Variants in NEGR1 observed in about 807,000 individuals in gnomAD.
NEGR1 encodes the protein neuronal growth regulator 1.
NEGR1 carries 10 observed loss-of-function variants against 40.9 expected under a neutral mutation model. The ratio of observed to expected loss-of-function variants is 0.24; its 90% confidence interval spans 0.15 to 0.42. The LOEUF (loss-of-function observed/expected upper bound fraction) is 0.42, where lower values mean the gene tolerates loss of function less well. Among genes scored for constraint, NEGR1 ranks in the 10% least tolerant of loss-of-function variants. The pLI is 1.00. For missense variants in NEGR1, 352 were observed against 438.9 expected, an observed-to-expected ratio of 0.80 and a Z score of 1.77; for synonymous variants, 185 against 166.8, an observed-to-expected ratio of 1.11 and a Z score of -0.84.
intron 4 of NEGR1, among the ~76,000 whole-genome samples, chr1:71,685,187 C>A (rs1652988883): frequency 1.3e-5 from 2 of 151,984 alleles, no homozygotes; most frequent in Admixed American, 6.6e-5. Context: ...TCATGGATTT[C>A]TCTTCCCATT....
At chr1:71,639,904 C>A (rs1651289945) in intron 4 of NEGR1, among the ~76,000 whole-genome samples, 1 of 152,054 alleles carries the variant, frequency 6.6e-6, no homozygotes, top group African/African-American at 2.4e-5. Flanking sequence ...CTTCTTAACA[C>A]ACACTTCCTC....
At chr1:71,699,456 T>C (rs1339903218) in intron 3 of NEGR1, among the ~76,000 whole-genome samples, 1 of 151,896 alleles carries the variant, frequency 6.6e-6, no homozygotes, top group Non-Finnish European at 1.5e-5. Flanking sequence ...ATGTAAAACT[T>C]CTGAAGTGGT....
intron 1 of NEGR1, among the ~76,000 whole-genome samples, chr1:72,062,179 A>G (rs1250210336): frequency 6.6e-6 from 1 of 151,634 alleles, no homozygotes; most frequent in African/African-American, 2.4e-5. Context: ...GAAGTATGAA[A>G]TTTCCTTCCT....
At chr1:71,964,129 C>T (rs1646190952) in intron 1 of NEGR1, among the ~76,000 whole-genome samples, 1 of 152,150 alleles carries the variant, frequency 6.6e-6, no homozygotes. Context: ...TCCCAGTTCT[C>T]TTTGACCTCA....
intron 3 of NEGR1, among the ~76,000 whole-genome samples, chr1:71,739,224 A>AC (rs1290197503): frequency 2.6e-5 from 4 of 151,186 alleles, no homozygotes; most frequent in Admixed American, 6.6e-5. Context: ...AAAACAAAAA[A>AC]AAAAAACGTG....
At chr1:72,041,601 T>C (rs1646954775) in intron 1 of NEGR1, among the ~76,000 whole-genome samples, 1 of 150,800 alleles carries the variant, frequency 6.6e-6, no homozygotes, top group Admixed American at 6.6e-5. Context: ...AAGAGAACAG[T>C]CAAATATGGT....
chr1:72,266,113 G>C (rs1376209121), intron 1 of NEGR1, among the ~76,000 whole-genome samples: 2 of 150,576 alleles, frequency 1.3e-5, no homozygotes, highest in Admixed American at 1.3e-4. Context: ...CATTTTCTGG[G>C]AGTATGGCAG....
In NEGR1 at chr1:71,846,406, C is replaced by T. The variant is rs550024334; in HGVS notation, c.410-70109G>A. ...ACCCACACACACACACACACACAAA[C>T]ACACACACAAACACACACACATGCA... On this transcript the variant is annotated intron_variant, in intron 2 of 6. Coordinates refer to ENST00000357731, the MANE Select transcript of NEGR1 (RefSeq NM_173808.3). 2.3e-3 allele frequency among the ~76,000 whole-genome samples: 270 copies of T among 117,528 alleles called. 1 individual carries two copies. Among genetic ancestry groups the T allele is most frequent in the Non-Finnish European group, 3.5e-3 (219 of 62,574 alleles). The allele number at this position is 117,528 out of a possible 152,430, so 77.1% of individuals were successfully genotyped here.
intron 6 of NEGR1, among the ~76,000 whole-genome samples, chr1:71,569,653 C>T (rs541197301): frequency 6.6e-6 from 1 of 152,214 alleles, no homozygotes; most frequent in Admixed American, 6.5e-5. Flanking sequence ...ATGGTTCTTG[C>T]CCTCACTAAA....
At chr1:71,471,042 G>GA (rs1344003743) in intron 6 of NEGR1, among the ~76,000 whole-genome samples, 10 of 151,890 alleles carry the variant, frequency 6.6e-5, no homozygotes, top group Non-Finnish European at 1.3e-4. Flanking sequence ...ATAAATGCTG[G>GA]AAAAATCTTT....
At chr1:71,954,382 C>A (rs1458352445) in intron 1 of NEGR1, among the ~76,000 whole-genome samples, 1 of 151,730 alleles carries the variant, frequency 6.6e-6, no homozygotes, top group East Asian at 1.9e-4. Flanking sequence ...TTTCAGAGTA[C>A]ATAAGGTATA....
chr1:71,774,660 C>A (rs907802960), intron 3 of NEGR1, among the ~76,000 whole-genome samples: 1 of 147,808 alleles, frequency 6.8e-6, no homozygotes, highest in African/African-American at 2.5e-5. Flanking sequence ...AGTTTCATTG[C>A]ATCAGCCTTG....
At chr1:72,191,004 A>T (rs1360320442) in intron 1 of NEGR1, among the ~76,000 whole-genome samples, 1 of 151,648 alleles carries the variant, frequency 6.6e-6, no homozygotes. Context: ...AACCATGTGT[A>T]AACAGTGGCT....
chr1:72,233,539 T>C (rs1389094161), intron 1 of NEGR1, among the ~76,000 whole-genome samples: 3 of 152,080 alleles, frequency 2.0e-5, no homozygotes, highest in Non-Finnish European at 2.9e-5. Flanking sequence ...AGTAAAAAAA[T>C]GTGGTATTTA....
rs113816057 is a variant in NEGR1, at chr1:71,822,081, T to C, written c.410-45784A>G. On this transcript the variant is annotated intron_variant, in intron 2 of 6. Transcript: ENST00000357731. Reference sequence around the variant, plus strand: ...CAGCAGCTACACTATAGACTTATACTGTATGCTTGAAAGACAGTAGTGAGG... The same window carrying C: ...CAGCAGCTACACTATAGACTTATACCGTATGCTTGAAAGACAGTAGTGAGG... 3.2e-3 allele frequency among the ~76,000 whole-genome samples: 485 copies of C among 152,032 alleles called. 3 individuals are homozygous for C. The highest frequency in any genetic ancestry group is 0.011 in the African/African-American group (468 of 41,514).
At chr1:72,118,229 C>A (rs543592570) in intron 1 of NEGR1, among the ~76,000 whole-genome samples, 1 of 151,962 alleles carries the variant, frequency 6.6e-6, no homozygotes, top group African/African-American at 2.4e-5. Flanking sequence ...CTATAAAACA[C>A]TGGTCCTGGA....
chr1:72,156,503 A>C (rs1390947353), intron 1 of NEGR1, among the ~76,000 whole-genome samples: 1 of 152,176 alleles, frequency 6.6e-6, no homozygotes, highest in Non-Finnish European at 1.5e-5. Context: ...TCTAAGTGAG[A>C]GATTGACTTT....
intron 1 of NEGR1, among the ~76,000 whole-genome samples, chr1:72,238,236 G>A (rs1654623318): frequency 6.6e-6 from 1 of 151,888 alleles, no homozygotes; most frequent in Non-Finnish European, 1.5e-5. Flanking sequence ...TGTGATGAGT[G>A]TTAACAATAC....
At chr1:71,660,187 A>T (rs1652009961) in intron 4 of NEGR1, among the ~76,000 whole-genome samples, 1 of 152,202 alleles carries the variant, frequency 6.6e-6, no homozygotes, top group African/African-American at 2.4e-5. Context: ...AACATGGATG[A>T]AGCTGGAGGC....
Sources: allele counts gnomAD v4.1 joint callset (sites outside exome capture counted in the v4.1 genomes callset), GRCh38; gene constraint gnomAD v4.1.1; transcripts MANE v1.5; gene names NCBI Gene and HGNC (gene_info 2026-07-23, HGNC 2026-07-21).